RESP18: variants seen among roughly 807,000 people sequenced by gnomAD.
The protein encoded by RESP18 is regulated endocrine specific protein 18, also known as regulated endocrine-specific protein 18.
Under a neutral mutation model 30.0 loss-of-function variants are expected in RESP18, and 30 were observed. That is an observed-to-expected ratio of 1.00 (90% CI 0.75 to 1.36). The LOEUF is 1.36. RESP18 is among the 40% of genes most tolerant of loss of function. RESP18 has a pLI of 0.00. For synonymous variants in RESP18, 117 were observed against 111.2 expected (o/e 1.05, Z -0.33); for missense variants, 320 against 284.2 (o/e 1.13, Z -0.91).
chr2:219,330,716 C>T, intron 3 of RESP18, 55 bp downstream of exon 2: 2 of 1,157,074 alleles, frequency 1.7e-6, no homozygotes, highest in Non-Finnish European at 2.5e-6. Context: ...AGCCCCTCTT[C>T]CCCCCTCCCC....
chr2:219,327,553 C>T lies in RESP18; in HGVS notation c.651G>A (p.Trp217Ter). 6.4e-7 allele frequency: 1 copy of T among 1,551,546 alleles called. No individual in the cohort carries two copies. Among genetic ancestry groups the T allele is most frequent in the Non-Finnish European group, 8.7e-7 (1 of 1,146,934 alleles). ...GTTGCGGCCCACAGTAGGAAGTGGC[C>T]CAGAGAAGCCCTAAAACAAGAAGAA... The change falls in exon 7 of 7, where the codon TGG (tryptophan) becomes TGA (stop). Residue 217 changes from tryptophan to a stop codon, truncating the protein, a stop_gained. Coordinates refer to ENST00000333527, the MANE Select transcript of RESP18 (RefSeq NM_001007089.4). LOFTEE classifies it high-confidence loss of function.
chr2:219,333,060 C>A (rs2125109343), intron 1 of RESP18: 2 of 1,057,432 alleles, frequency 1.9e-6, no homozygotes, highest in African/African-American at 1.6e-5. Flanking sequence ...TTACTCTGGC[C>A]CACTTAAAAC....
At chr2:219,329,058 C>A (rs1226859550) in intron 5 of RESP18, 50 bp from the exon 5 acceptor site, 3 of 1,502,544 alleles carry the variant, frequency 2.0e-6, no homozygotes. Flanking sequence ...ATGGAAAAAT[C>A]TTTTCTGCAG....
rs187625796 is a variant in RESP18 at position 219,331,088 on chromosome 2, G to A, written c.233-213C>T. 3.3e-4 allele frequency: 161 copies of A among 492,962 alleles called. 1 individual carries two copies. The highest frequency in any genetic ancestry group is 2.9e-3 in the African/African-American group (146 of 50,686). The allele number at this position is 492,962 out of a possible 1,614,324, so 30.5% of individuals were successfully genotyped here. On this transcript the variant is annotated intron_variant, in intron 2 of 6. Coordinates refer to ENST00000333527, the MANE Select transcript of RESP18 (RefSeq NM_001007089.4). The stretch of plus-strand genomic sequence containing the variant: ...CAACCCCTGGGCCTCATTCACTCTT[G>A]GTACCAACTTACAGATAACCAGATT...
At chr2:219,329,937 G>A (rs893616266) in intron 3 of RESP18, among the ~76,000 whole-genome samples, 173 bp from the exon 3 acceptor site, 2 of 152,174 alleles carry the variant, frequency 1.3e-5, no homozygotes, top group African/African-American at 4.8e-5. Flanking sequence ...ATTCAAATTA[G>A]GATTATGATT....
intron 6 of RESP18, 103 bp from the exon 6 acceptor site, chr2:219,327,666 A>G: frequency 1.0e-6 from 1 of 995,796 alleles, no homozygotes; most frequent in Non-Finnish European, 1.6e-6. Context: ...GCCTGATTTG[A>G]GTAACCCTTC....
chr2:219,331,682 C>T (rs1952832544), intron 2 of RESP18, among the ~76,000 whole-genome samples: 1 of 151,906 alleles, frequency 6.6e-6, no homozygotes. Context: ...GGCAGCGTTC[C>T]CAGGACTGGT....
In RESP18 at chr2:219,332,655, C is replaced by T; in HGVS notation, c.101G>A (p.Gly34Glu). 2 of 1,551,356 alleles carry T rather than the reference C, an allele frequency of 1.3e-6. No individual in the cohort carries two copies. The highest frequency in any genetic ancestry group is 1.7e-4 in the Middle Eastern group (1 of 5,992). Residue 34 changes from glycine to glutamate, a missense_variant, in exon 2 of 7, where the codon GGG becomes GAG. Coordinates refer to ENST00000333527, the MANE Select transcript of RESP18 (RefSeq NM_001007089.4). Reference sequence around the variant, plus strand: ...CCTCCCAGGCTCGGCGCGCTCACTCCCCGGCCAAGTCTCAGTGAAGGTAGC... The same window carrying T: ...CCTCCCAGGCTCGGCGCGCTCACTCTCCGGCCAAGTCTCAGTGAAGGTAGC...
intron 6 of RESP18, among the ~76,000 whole-genome samples, chr2:219,328,520 A>G (rs1952796327): frequency 6.6e-6 from 1 of 152,152 alleles, no homozygotes. Context: ...TCTTGAGTGG[A>G]AGGGCAGGGA....
rs558623154 is a variant in RESP18, at chr2:219,332,551, C to T, written c.205G>A (p.Gly69Arg). 1.4e-4 allele frequency: 213 copies of T among 1,551,340 alleles called. No individual in the cohort carries two copies. In the African/African-American group the frequency reaches 2.6e-3, roughly 19 times the overall value. Residue 69 changes from glycine to arginine, a missense_variant, in exon 2 of 7, where the codon GGG (glycine) becomes AGG (arginine). Gly to Arg is a moderately radical substitution (Grantham distance 125). Transcript: ENST00000333527. ...TGGGCACTAGTGTCGCTGCAGCCCC[C>T]CGGGCAGCTGTTCAGCAGCAGGAAG...
At chr2:219,328,350 A>G (rs1343135256) in intron 6 of RESP18, among the ~76,000 whole-genome samples, 1 of 152,146 alleles carries the variant, frequency 6.6e-6, no homozygotes, top group African/African-American at 2.4e-5. Flanking sequence ...TGGGTGTCTC[A>G]GGACATTCGT....
chr2:219,329,851 A>C, intron 3 of RESP18, 87 bp from the exon 3 acceptor site: 1 of 1,299,226 alleles, frequency 7.7e-7, no homozygotes, highest in Non-Finnish European at 1.1e-6. Context: ...TCTCAAGTAT[A>C]TATTAGATTA....
chr2:219,330,896 T>A, intron 2 of RESP18, 21 bp from the exon 2 acceptor site: 1 of 1,450,646 alleles, frequency 6.9e-7, no homozygotes, highest in South Asian at 1.2e-5. Flanking sequence ...AATAGTGGTG[T>A]CAGCAAGGAA....
Position 219,329,176 on chromosome 2 carries a change from G to C in RESP18, c.542C>G (p.Ala181Gly). ...TGAGCCCCTCACCTTGACAGGGTTG[G>C]CCACCTCTTGTTTCAGGGCCTTAGA... is the stretch of plus-strand genomic sequence containing the variant. Residue 181 changes from alanine to glycine, a missense_variant, in exon 5 of 7, where the codon GCC becomes GGC. Coordinates refer to ENST00000333527, the MANE Select transcript of RESP18 (RefSeq NM_001007089.4). 6.4e-7 allele frequency: 1 copy of C among 1,551,486 alleles called. No individual in the cohort carries two copies. The highest frequency in any genetic ancestry group is 8.7e-7 in the Non-Finnish European group (1 of 1,146,838).
chr2:219,330,342 C>G (rs1042228538), intron 3 of RESP18, among the ~76,000 whole-genome samples: 1 of 152,192 alleles, frequency 6.6e-6, no homozygotes, highest in Non-Finnish European at 1.5e-5. Flanking sequence ...GGGTCAGCCA[C>G]ATGTTGCCAA....
At chr2:219,330,536 T>G (rs980307622) in intron 3 of RESP18, among the ~76,000 whole-genome samples, 1 of 108,604 alleles carries the variant, frequency 9.2e-6, no homozygotes, top group Admixed American at 7.8e-5. Flanking sequence ...TTCAGTTTTG[T>G]TTTTTTTTTT....
In RESP18 at chr2:219,329,681, A is replaced by G; in HGVS notation, c.421T>C (p.Cys141Arg). ...AAAAGTGCCTTCCCATCCTTCAGGC[A>G]TGGTTCTTGGGGATGCAGTCTGCTG... is the stretch of plus-strand genomic sequence containing the variant. The change falls in exon 4 of 7, where the codon TGC becomes CGC. Residue 141 changes from cysteine to arginine, a missense_variant. Cys to Arg is a radical substitution (Grantham distance 180). Coordinates refer to ENST00000333527, the MANE Select transcript of RESP18 (RefSeq NM_001007089.4). The G allele has an allele frequency of 4.5e-6, 7 of 1,551,642 alleles. No individual in the cohort carries two copies. The highest frequency in any genetic ancestry group is 2.4e-5 in the East Asian group (1 of 40,926).
intron 2 of RESP18, 84 bp from the exon 2 acceptor site, chr2:219,330,959 G>T: frequency 1.3e-6 from 1 of 790,398 alleles, no homozygotes; most frequent in Non-Finnish European, 2.2e-6. Context: ...TCCTTGTACT[G>T]TCACTCCTGG....
Position 219,332,685 on chromosome 2 carries a change from A to ACGGC in RESP18, c.67_70dup (p.Val24GlyfsTer8), listed in dbSNP as rs1559316724. 3.7e-5 allele frequency: 58 copies of ACGGC among 1,550,786 alleles called. No individual in the cohort carries two copies. The highest frequency in any genetic ancestry group is 4.8e-5 in the Non-Finnish European group (55 of 1,146,872). ...CCAAGTCTCAGTGAAGGTAGCGGCC[A>ACGGC]CGGCCGAGGGGCTGAGCGGGGCTGC... On this transcript the variant is annotated frameshift_variant, in exon 2 of 7. Transcript: ENST00000333527. LOFTEE classifies it high-confidence loss of function.
Sources: allele counts gnomAD v4.1 joint callset (sites outside exome capture counted in the v4.1 genomes callset), GRCh38; gene constraint gnomAD v4.1.1; transcripts MANE v1.5; gene names NCBI Gene and HGNC (gene_info 2026-07-23, HGNC 2026-07-21).